The following ITPRID1 variants were observed in gnomAD, a reference collection of about 807,000 sequenced individuals.
ITPRID1 encodes protein ITPRID1.
Under a neutral mutation model 95.4 loss-of-function variants are expected in ITPRID1, and 96 were observed. The observed-to-expected ratio is 1.01, with a 90% confidence interval of 0.85 to 1.19. The LOEUF (loss-of-function observed/expected upper bound fraction) is 1.19. ITPRID1 is among the 50% of genes most tolerant of loss of function. ITPRID1 has a pLI of 0.00. For synonymous variants in ITPRID1, 510 were observed against 453.6 expected (o/e 1.12, Z -1.58); for missense variants, 1,339 against 1,252.9 (o/e 1.07, Z -1.04).
At chr7:31,616,470 G>GTATT (rs1342016672) in intron 10 of ITPRID1, among the ~76,000 whole-genome samples, 4 of 152,104 alleles carry the variant, frequency 2.6e-5, no homozygotes, top group Non-Finnish European at 5.9e-5. Context: ...TTAAAGTGAT[G>GTATT]TATTAAGATG....
At chr7:31,529,143 TC>T (rs1783514411) in intron 1 of ITPRID1, among the ~76,000 whole-genome samples, 1 of 152,174 alleles carries the variant, frequency 6.6e-6, no homozygotes, top group Admixed American at 6.5e-5. Flanking sequence ...TTGGACTTCT[TC>T]TTTATGGGTT....
chr7:31,545,400 G>A (rs77153198), intron 1 of ITPRID1, among the ~76,000 whole-genome samples: 1 of 152,052 alleles, frequency 6.6e-6, no homozygotes, highest in East Asian at 1.9e-4. Flanking sequence ...CAAAGCAAAT[G>A]TTGAGAAGGC....
At position 31,643,362 on chromosome 7, in the gene ITPRID1, T is replaced by G; in HGVS notation, c.1992T>G (p.Ile664Met). Residue 664 changes from isoleucine to methionine, a missense_variant, in exon 12 of 15, where the codon ATT (isoleucine) becomes ATG (methionine). Physicochemically the swap from Ile to Met is conservative, Grantham distance 10. Coordinates refer to ENST00000615280, the MANE Select transcript of ITPRID1 (RefSeq NM_001257967.3). ...TDLAQTSEKL[I>M]PHLHKLPGDP... Reference sequence around the variant, plus strand: ...TTGCTCAAACATCTGAAAAGCTCATTCCCCACCTCCATAAACTGCCTGGAG... The same window carrying G: ...TTGCTCAAACATCTGAAAAGCTCATGCCCCACCTCCATAAACTGCCTGGAG... 1 of 1,613,894 alleles carries G rather than the reference T, an allele frequency of 6.2e-7. No homozygotes were observed. The highest frequency in any genetic ancestry group is 1.6e-4 in the Middle Eastern group (1 of 6,062).
rs1785109671 is a variant in ITPRID1 at position 31,574,594 on chromosome 7, T to G, written c.450T>G (p.Asp150Glu). Reference protein sequence around the residue: ...WEIDPVEILLDLGFGADEPDI... With the variant: ...WEIDPVEILLELGFGADEPDI... The stretch of plus-strand genomic sequence containing the variant: ...TAGATCCAGTGGAGATTCTCTTGGA[T>G]CTGGGGTTTGGTGCTGATGAGCCAG... The change falls in exon 8 of 15, where the codon GAT (aspartate) becomes GAG (glutamate). Residue 150 changes from aspartate to glutamate, a missense_variant. Transcript: ENST00000615280. 5 of 1,613,828 alleles carry G rather than the reference T, an allele frequency of 3.1e-6. No individual in the cohort carries two copies. The highest frequency in any genetic ancestry group is 4.2e-6 in the Non-Finnish European group (5 of 1,179,854).
At chr7:31,559,440 C>G (rs1784555965) in intron 5 of ITPRID1, among the ~76,000 whole-genome samples, 2 of 152,162 alleles carry the variant, frequency 1.3e-5, no homozygotes, top group Non-Finnish European at 2.9e-5. Context: ...GTGGGCAGAT[C>G]ACTTGAGGCC....
chr7:31,644,431 C>T (rs114279463), intron 12 of ITPRID1, among the ~76,000 whole-genome samples: 145 of 152,286 alleles, frequency 9.5e-4, no homozygotes, highest in African/African-American at 3.4e-3. Flanking sequence ...GCACTCAGCC[C>T]AGCATGTGGC....
chr7:31,592,577 C>T (rs1271990067), intron 10 of ITPRID1, among the ~76,000 whole-genome samples: 1 of 152,160 alleles, frequency 6.6e-6, no homozygotes, highest in Non-Finnish European at 1.5e-5. Context: ...CATGATGAAA[C>T]TAATCCACCT....
intron 10 of ITPRID1, among the ~76,000 whole-genome samples, chr7:31,621,533 A>ATACTT (rs1787893872): frequency 6.8e-6 from 1 of 147,762 alleles, no homozygotes; most frequent in East Asian, 2.0e-4. Context: ...GAGAAATAAA[A>ATACTT]TACTTTGCAG....
intron 2 of ITPRID1, 121 bp downstream of exon 2, chr7:31,549,620 A>G: frequency 3.1e-6 from 2 of 650,326 alleles, no homozygotes; most frequent in Non-Finnish European, 4.8e-6. Context: ...TTTCCCCAAG[A>G]TGTCAGAAAG....
intron 10 of ITPRID1, among the ~76,000 whole-genome samples, chr7:31,613,552 C>CTGTT (rs67325228): frequency 6.6e-6 from 1 of 152,002 alleles, no homozygotes; most frequent in South Asian, 2.1e-4. Context: ...TATATTTGCT[C>CTGTT]TGTTTGTTAG....
chr7:31,607,800 TC>T (rs1187174620), intron 10 of ITPRID1, among the ~76,000 whole-genome samples: 1 of 152,056 alleles, frequency 6.6e-6, no homozygotes, highest in Non-Finnish European at 1.5e-5. Context: ...TCAAATTTTC[TC>T]CCCTGTTTCT....
chr7:31,609,678 T>A (rs901599743), intron 10 of ITPRID1, among the ~76,000 whole-genome samples: 4 of 151,568 alleles, frequency 2.6e-5, no homozygotes, highest in African/African-American at 9.7e-5. Context: ...ATCTTCTGAC[T>A]TTTTTCTTTA....
intron 8 of ITPRID1, among the ~76,000 whole-genome samples, chr7:31,576,709 C>T (rs1785196520): frequency 6.6e-6 from 1 of 152,102 alleles, no homozygotes; most frequent in Non-Finnish European, 1.5e-5. Flanking sequence ...AAAAGGTAGG[C>T]ACTGGCTCAT....
intron 10 of ITPRID1, among the ~76,000 whole-genome samples, chr7:31,628,736 T>G (rs38370): frequency 0.93 from 142,265 of 152,190 alleles, 66,805 homozygotes; most frequent in East Asian, 0.99. Context: ...GATTACAGGC[T>G]TGAGCCACCG....
chr7:31,637,566 C>G (rs1316125925), intron 10 of ITPRID1, among the ~76,000 whole-genome samples: 1 of 152,062 alleles, frequency 6.6e-6, no homozygotes, highest in African/African-American at 2.4e-5. Context: ...TATCCTTTAC[C>G]CACTTTTTGA....
chr7:31,564,402 A>C (rs1784725000), intron 5 of ITPRID1, among the ~76,000 whole-genome samples: 1 of 152,134 alleles, frequency 6.6e-6, no homozygotes, highest in Non-Finnish European at 1.5e-5. Context: ...AGTAGGACTT[A>C]GTGTTTGTTT....
At chr7:31,621,197 A>T (rs554855151) in intron 10 of ITPRID1, among the ~76,000 whole-genome samples, 1 of 152,306 alleles carries the variant, frequency 6.6e-6, no homozygotes, top group Non-Finnish European at 1.5e-5. Context: ...GATATTATCC[A>T]GGAGAACTTC....
chr7:31,627,547 T>TGA (rs1459809475), intron 10 of ITPRID1, among the ~76,000 whole-genome samples: 2 of 150,562 alleles, frequency 1.3e-5, no homozygotes, highest in African/African-American at 4.9e-5. Flanking sequence ...AGTCCCAGCT[T>TGA]CTCAGGAGGC....
At chr7:31,536,769 A>G (rs1189613174) in intron 1 of ITPRID1, among the ~76,000 whole-genome samples, 1 of 152,028 alleles carries the variant, frequency 6.6e-6, no homozygotes, top group Non-Finnish European at 1.5e-5. Flanking sequence ...CCTTCCCTTT[A>G]TCAGGGGCTG....
Sources: allele counts gnomAD v4.1 joint callset (sites outside exome capture counted in the v4.1 genomes callset), GRCh38; gene constraint gnomAD v4.1.1; transcripts MANE v1.5; gene names NCBI Gene and HGNC (gene_info 2026-07-23, HGNC 2026-07-21).